Variants in HIRA observed in about 807,000 individuals in gnomAD.
HIRA encodes the protein protein HIRA.
HIRA carries 13 observed loss-of-function variants against 126.6 expected under a neutral mutation model. That is an observed-to-expected ratio of 0.10 (90% confidence interval 0.07 to 0.16). HIRA has a LOEUF of 0.16. HIRA is among the 10% of genes least tolerant of loss of function. HIRA has a pLI of 1.00. For missense variants in HIRA, 834 were observed against 1,314.4 expected (o/e 0.63, Z 5.65); for synonymous variants, 511 against 520.0 (o/e 0.98, Z 0.24).
intron 1 of HIRA, among the ~76,000 whole-genome samples, chr22:19,426,596 C>T (rs1023206310): frequency 2.0e-5 from 3 of 152,158 alleles, no homozygotes; most frequent in Admixed American, 6.6e-5. Flanking sequence ...TTCTAGAATA[C>T]GGTTTGTATG....
intron 24 of HIRA, among the ~76,000 whole-genome samples, chr22:19,343,960 C>G (rs2088660354): frequency 6.6e-6 from 1 of 151,794 alleles, no homozygotes. Context: ...GATCTTCCCA[C>G]CTCAGCTTCC....
chr22:19,378,209 G>T, intron 13 of HIRA, 143 bp from the exon 14 acceptor site: 1 of 539,104 alleles, frequency 1.9e-6, no homozygotes, highest in African/African-American at 1.9e-5. Context: ...AAAGTAAAAA[G>T]AAAATTAAAG....
intron 9 of HIRA, 117 bp downstream of exon 9, chr22:19,391,984 G>A (rs558987582): frequency 6.8e-5 from 35 of 511,086 alleles, no homozygotes; most frequent in Non-Finnish European, 1.8e-5. Context: ...GCTGACCCCA[G>A]GTGCAGAATA....
intron 5 of HIRA, chr22:19,399,297 C>A: frequency 4.4e-6 from 1 of 226,394 alleles, no homozygotes; most frequent in Non-Finnish European, 7.3e-6. Context: ...CAAAATATTC[C>A]AAATATCTAT....
intron 15 of HIRA, chr22:19,365,759 C>T (rs184152106): frequency 2.0e-5 from 3 of 152,330 alleles, no homozygotes; most frequent in Non-Finnish European, 2.9e-5. Flanking sequence ...TTAAGAGGTA[C>T]ATTTTTGCCT....
At chr22:19,370,542 C>G (rs944376764) in intron 15 of HIRA, among the ~76,000 whole-genome samples, 3 of 152,214 alleles carry the variant, frequency 2.0e-5, no homozygotes, top group African/African-American at 7.2e-5. Context: ...GCCACTGCAC[C>G]AGGCCTCCAG....
At chr22:19,348,678 G>T (rs1458711897) in intron 24 of HIRA, among the ~76,000 whole-genome samples, 1 of 151,962 alleles carries the variant, frequency 6.6e-6, no homozygotes, top group African/African-American at 2.4e-5. Context: ...TGTATTTTTA[G>T]TAGAGATGGG....
Position 19,414,936 on chromosome 22 carries a change from CTTATTTAT to C in HIRA, c.38-4166_38-4159del, listed in dbSNP as rs138847743. Among the ~76,000 whole-genome samples, 212 of 150,794 alleles carry C rather than the reference CTTATTTAT, an allele frequency of 1.4e-3. 1 individual carries two copies. In the East Asian group the frequency reaches 0.038, roughly 27 times the overall value. On this transcript the variant is annotated intron_variant, in intron 1 of 24. Transcript: ENST00000263208. ...ATAAGGTGGGTGCAAACAACACAAA[CTTATTTAT>C]TTATTTATTTATTTATTTTGAGACG...
At chr22:19,356,001 G>A (rs868953413) in intron 20 of HIRA, 136 bp from the exon 21 acceptor site, 1 of 726,744 alleles carries the variant, frequency 1.4e-6, no homozygotes, top group East Asian at 2.7e-5. Context: ...GGCAAATAGG[G>A]AGGGCAAGCC....
chr22:19,332,838 G>A (rs747910043), intron 24 of HIRA, among the ~76,000 whole-genome samples: 1 of 151,288 alleles, frequency 6.6e-6, no homozygotes, highest in African/African-American at 2.4e-5. Context: ...TTAAAAAAAG[G>A]AGATAATAAA....
chr22:19,355,314 A>G (rs1238706871), intron 21 of HIRA, among the ~76,000 whole-genome samples: 3 of 152,180 alleles, frequency 2.0e-5, no homozygotes, highest in Admixed American at 1.3e-4. Context: ...CTGAGTGGAC[A>G]GAGGAAAAGT....
At chr22:19,415,519 T>C (rs1569312397) in intron 1 of HIRA, among the ~76,000 whole-genome samples, 3 of 152,222 alleles carry the variant, frequency 2.0e-5, no homozygotes, top group Non-Finnish European at 4.4e-5. Context: ...CTGGGCACAG[T>C]GGCTCATGCC....
intron 1 of HIRA, among the ~76,000 whole-genome samples, chr22:19,411,688 C>T (rs1231548409): frequency 6.6e-6 from 1 of 152,202 alleles, no homozygotes; most frequent in Admixed American, 6.5e-5. Flanking sequence ...TGAGCATCAA[C>T]AATTGCTGAT....
intron 8 of HIRA, 39 bp from the exon 9 acceptor site, chr22:19,392,253 G>A: frequency 8.4e-6 from 11 of 1,302,084 alleles, no homozygotes; most frequent in Non-Finnish European, 1.2e-5. Context: ...AATTAATCAA[G>A]CATCAGGCAT....
intron 10 of HIRA, among the ~76,000 whole-genome samples, chr22:19,388,140 T>C (rs748561845): frequency 6.6e-6 from 1 of 152,204 alleles, no homozygotes; most frequent in Non-Finnish European, 1.5e-5. Flanking sequence ...AGTATACATA[T>C]AAATCAGGTC....
intron 24 of HIRA, among the ~76,000 whole-genome samples, chr22:19,345,360 T>C (rs1431138388): frequency 4.6e-5 from 7 of 152,222 alleles, no homozygotes; most frequent in Non-Finnish European, 1.0e-4. Context: ...CCAAGTATTA[T>C]TGATATTTCC....
At chr22:19,378,612 T>G (rs1199250936) in intron 13 of HIRA, among the ~76,000 whole-genome samples, 3 of 152,210 alleles carry the variant, frequency 2.0e-5, no homozygotes, top group Non-Finnish European at 4.4e-5. Flanking sequence ...GCTTGTGACT[T>G]GCTCTAACTA....
At chr22:19,429,310 G>A (rs1277036425) in intron 1 of HIRA, among the ~76,000 whole-genome samples, 1 of 151,782 alleles carries the variant, frequency 6.6e-6, no homozygotes, top group Non-Finnish European at 1.5e-5. Context: ...GCTAATTTTT[G>A]TATTTTTAGT....
chr22:19,352,255 G>A (rs1001998654), intron 23 of HIRA, among the ~76,000 whole-genome samples: 2 of 151,938 alleles, frequency 1.3e-5, no homozygotes, highest in African/African-American at 4.8e-5. Context: ...GTGGCGGGGC[G>A]GAGAGGAGGT....
Sources: gnomAD v4.1 joint callset for allele counts (sites outside exome capture counted in the v4.1 genomes callset) on GRCh38, gnomAD v4.1.1 for gene constraint, MANE v1.5 for transcripts, NCBI Gene and HGNC (gene_info 2026-07-23, HGNC 2026-07-21) for gene names.